MAST2: variants seen among roughly 807,000 people sequenced by gnomAD.
MAST2 encodes microtubule associated serine/threonine kinase 2.
A neutral mutation model predicts 147.4 loss-of-function variants in MAST2; 70 were observed. The ratio of observed to expected loss-of-function variants is 0.47; its 90% CI spans 0.39 to 0.58. The LOEUF is 0.58. MAST2 is among the 20% of genes least tolerant of loss of function. The pLI is 0.00. For synonymous variants in MAST2, 869 were observed against 896.8 expected (o/e 0.97, Z 0.55); for missense variants, 2,080 against 2,302.3 (o/e 0.90, Z 1.98).
At position 45,997,644 on chromosome 1, in the gene MAST2, G is replaced by A. The variant is rs1424422685; in HGVS notation, c.593-80G>A. 6 of 955,340 alleles carry A rather than the reference G, an allele frequency of 6.3e-6. No homozygotes were observed. The African/African-American group carries it at 8.0e-5, about 13-fold the overall frequency. The allele number at this position is 955,340 out of a possible 1,614,324, so 59.2% of individuals were successfully genotyped here. Reference sequence around the variant, plus strand: ...AACCATATAATTGCCAGTGCTAGGGGAATATTTCTTGCCCGAAAGTCATGT... The same window carrying A: ...AACCATATAATTGCCAGTGCTAGGGAAATATTTCTTGCCCGAAAGTCATGT... On this transcript the variant is annotated intron_variant, in intron 5 of 28. Transcript: ENST00000361297.
chr1:45,971,744 T>C (rs559006627), intron 5 of MAST2, among the ~76,000 whole-genome samples: 1 of 152,346 alleles, frequency 6.6e-6, no homozygotes, highest in African/African-American at 2.4e-5. Flanking sequence ...TTAGATTGTT[T>C]ATACTTTTCC....
chr1:46,002,838 G>T lies in MAST2; in HGVS notation c.702G>T (p.Leu234Phe), dbSNP rs199762890. ...TDGRRWSLAS[L>F]PSSGYGTNTP... ...GGCGGCGCTGGTCTTTGGCCTCTTT[G>T]CCCTCTTCAGGATATGGAACTAACA... The change falls in exon 7 of 29, where the codon TTG becomes TTT. Residue 234 changes from leucine to phenylalanine, a missense_variant. Physicochemically the swap from Leu to Phe is conservative, Grantham distance 22. This residue lies in a region of MAST2 where 569 missense variants were observed against 642.5 expected (regional missense o/e 0.89). Coordinates refer to ENST00000361297, the MANE Select transcript of MAST2 (RefSeq NM_015112.3). The T allele has an allele frequency of 5.6e-6, 9 of 1,614,024 alleles. No individual in the cohort carries two copies. The highest frequency in any genetic ancestry group is 7.6e-6 in the Non-Finnish European group (9 of 1,180,014).
chr1:45,942,142 G>A (rs1164832621), intron 4 of MAST2, among the ~76,000 whole-genome samples: 1 of 135,020 alleles, frequency 7.4e-6, no homozygotes, highest in East Asian at 2.1e-4. Flanking sequence ...ATTGTAGTGG[G>A]TTTCTTTTTT....
chr1:45,879,129 A>G (rs146662129), intron 3 of MAST2, among the ~76,000 whole-genome samples: 52 of 152,282 alleles, frequency 3.4e-4, no homozygotes, highest in Middle Eastern at 3.4e-3. Flanking sequence ...GTAGGATGCA[A>G]TAGAGAGCCC....
chr1:45,963,672 G>A (rs1660762217), intron 5 of MAST2, among the ~76,000 whole-genome samples: 1 of 152,170 alleles, frequency 6.6e-6, no homozygotes, highest in Non-Finnish European at 1.5e-5. Context: ...CTGAGACAAT[G>A]GGGTTTTCTA....
In MAST2 at chr1:45,829,475, G is replaced by C. The variant is rs202109232; in HGVS notation, c.362G>C (p.Ser121Thr). The change falls in exon 3 of 29, where the codon AGC becomes ACC. Residue 121 changes from serine to threonine, a missense_variant. By Grantham distance (58) the Ser-to-Thr change is moderately conservative (BLOSUM62 1). This residue lies in a region of MAST2 where 569 missense variants were observed against 642.5 expected (regional missense o/e 0.89). Coordinates refer to ENST00000361297, the MANE Select transcript of MAST2 (RefSeq NM_015112.3). ...CTCCCTTTGTCCAGCAGTGTACATA[G>C]CAGTGTGGGACAGGTGACTTGGCAG... Reference protein sequence around the residue: ...QLLPLSSSVHSSVGQVTWQSS... With the variant: ...QLLPLSSSVHTSVGQVTWQSS... 1.1e-4 allele frequency: 177 copies of C among 1,614,114 alleles called. No individual in the cohort carries two copies. Among genetic ancestry groups the C allele is most frequent in the Middle Eastern group, 9.9e-4 (6 of 6,062 alleles).
Position 45,804,075 on chromosome 1 carries a change from A to G in MAST2, c.177+3A>G. 8.7e-7 allele frequency: 1 copy of G among 1,148,796 alleles called. No individual in the cohort carries two copies. The highest frequency in any genetic ancestry group is 3.0e-5 in the South Asian group (1 of 33,742). 71.2% of individuals were successfully genotyped at this position (1,148,796 alleles called of 1,614,324 possible). A position where few individuals can be genotyped will look rare whatever the true frequency, so the allele number is the denominator to read the frequency against. ...CGGGGCCCGAGGGCAAGGAGCAGGTAGGGCGGGTTGGGATCCGGGAGGGTG... is the reference window on the plus strand; with the variant it reads ...CGGGGCCCGAGGGCAAGGAGCAGGTGGGGCGGGTTGGGATCCGGGAGGGTG... On this transcript the variant is annotated splice_donor_region_variant and intron_variant, in intron 1 of 28. Transcript: ENST00000361297.
chr1:45,982,507 A>G (rs1040367611), intron 5 of MAST2, among the ~76,000 whole-genome samples: 1 of 152,214 alleles, frequency 6.6e-6, no homozygotes, highest in Non-Finnish European at 1.5e-5. Flanking sequence ...AACTCTGGAC[A>G]ACCTTAAGCT....
chr1:45,892,607 A>G lies in MAST2; in HGVS notation c.500+10212A>G, dbSNP rs147622154. Among the ~76,000 whole-genome samples the G allele has an allele frequency of 2.6e-5, 4 of 152,292 alleles. No homozygotes were observed. The East Asian group carries it at 5.8e-4, about 22-fold the overall frequency. On this transcript the variant is annotated intron_variant, in intron 4 of 28. Coordinates refer to ENST00000361297, the MANE Select transcript of MAST2 (RefSeq NM_015112.3). ...AAGCAATGCTATTGGAAGCCTGTCTATTCTTTGATGTGTCAGTAGTTTTAA... is the reference window on the plus strand; with the variant it reads ...AAGCAATGCTATTGGAAGCCTGTCTGTTCTTTGATGTGTCAGTAGTTTTAA...
intron 5 of MAST2, among the ~76,000 whole-genome samples, chr1:45,970,479 A>G (rs554791448): frequency 2.0e-5 from 3 of 152,062 alleles, no homozygotes; most frequent in Admixed American, 6.5e-5. Flanking sequence ...CCTGGCTAAT[A>G]TGGTGAAACC....
In MAST2 at chr1:46,002,832, C is replaced by T; in HGVS notation, c.696C>T (p.Ala232=). Residue 232 remains alanine (A), a synonymous_variant, in exon 7 of 29, where the codon GCC becomes GCT. Transcript: ENST00000361297. ...RRTDGRRWSL[A]SLPSSGYGTN... is the part of the protein sequence containing the mutation. ...CTGATGGGCGGCGCTGGTCTTTGGCCTCTTTGCCCTCTTCAGGATATGGAA... is the reference window on the plus strand; with the variant it reads ...CTGATGGGCGGCGCTGGTCTTTGGCTTCTTTGCCCTCTTCAGGATATGGAA... The T allele has an allele frequency of 2.5e-6, 4 of 1,614,180 alleles. No individual in the cohort carries two copies. Among genetic ancestry groups the T allele is most frequent in the Non-Finnish European group, 2.5e-6 (3 of 1,180,024 alleles).
intron 3 of MAST2, among the ~76,000 whole-genome samples, chr1:45,844,535 C>T (rs554657306): frequency 2.0e-5 from 3 of 152,190 alleles, no homozygotes; most frequent in South Asian, 2.1e-4. Context: ...CCACCTGCCT[C>T]GGCTTCCCAA....
At chr1:46,025,431 C>A (rs1646367423) in intron 15 of MAST2, among the ~76,000 whole-genome samples, 1 of 152,220 alleles carries the variant, frequency 6.6e-6, no homozygotes, top group Admixed American at 6.5e-5. Context: ...CTCCAGGTCC[C>A]TTCCCACAAC....
At chr1:45,981,215 G>A (rs985678296) in intron 5 of MAST2, among the ~76,000 whole-genome samples, 1 of 152,038 alleles carries the variant, frequency 6.6e-6, no homozygotes, top group Non-Finnish European at 1.5e-5. Context: ...GGAATTACAG[G>A]TGTGCATCAC....
Position 45,804,039 on chromosome 1 carries a change from G to C in MAST2, c.144G>C (p.Arg48=). Residue 48 remains arginine (R), a synonymous_variant, in exon 1 of 29, where the codon CGG becomes CGC. Coordinates refer to ENST00000361297, the MANE Select transcript of MAST2 (RefSeq NM_015112.3). ...APPGRQRLEE[R]TGPAGPEGKE... Reference sequence around the variant, plus strand: ...CCGGGAGGCAGCGGCTGGAGGAGCGGACGGGCCCCGCGGGGCCCGAGGGCA... The same window carrying C: ...CCGGGAGGCAGCGGCTGGAGGAGCGCACGGGCCCCGCGGGGCCCGAGGGCA... 7.9e-7 allele frequency: 1 copy of C among 1,261,248 alleles called. No individual in the cohort carries two copies. Among genetic ancestry groups the C allele is most frequent in the Non-Finnish European group, 1.0e-6 (1 of 988,054 alleles). 78.1% of individuals were successfully genotyped at this position (1,261,248 alleles called of 1,614,324 possible).
chr1:45,868,884 T>G (rs890738895), intron 3 of MAST2, among the ~76,000 whole-genome samples: 4 of 152,232 alleles, frequency 2.6e-5, no homozygotes, highest in Non-Finnish European at 4.4e-5. Flanking sequence ...CTACATTTCC[T>G]TGTTCTTTTC....
intron 4 of MAST2, among the ~76,000 whole-genome samples, chr1:45,940,921 T>G (rs10789483): frequency 1.3e-5 from 2 of 152,242 alleles, no homozygotes; most frequent in Non-Finnish European, 2.9e-5. Flanking sequence ...GCCTGGCCTA[T>G]GAGGATTTTA....
At chr1:45,920,393 T>C (rs1653266998) in intron 4 of MAST2, among the ~76,000 whole-genome samples, 1 of 152,200 alleles carries the variant, frequency 6.6e-6, no homozygotes, top group African/African-American at 2.4e-5. Flanking sequence ...TCTGTTTGAG[T>C]ACCCCCTTTT....
At chr1:46,015,887 G>T (rs1259613422) in intron 10 of MAST2, among the ~76,000 whole-genome samples, 7 of 152,138 alleles carry the variant, frequency 4.6e-5, no homozygotes, top group Admixed American at 2.0e-4. Flanking sequence ...GAGAATTTTA[G>T]ACCAATATCC....
Sources: allele counts gnomAD v4.1 joint callset (sites outside exome capture counted in the v4.1 genomes callset), GRCh38; gene constraint gnomAD v4.1.1; regional missense constraint gnomAD v4.1.1; transcripts MANE v1.5; gene names NCBI Gene and HGNC (gene_info 2026-07-23, HGNC 2026-07-21).